TBC1D15: variants seen among roughly 807,000 people sequenced by gnomAD.
The protein encoded by TBC1D15 is TBC1 domain family member 15, also known as GAP for RAB7.
Under a neutral mutation model 95.4 loss-of-function variants are expected in TBC1D15, and 39 were observed. That is an observed-to-expected ratio of 0.41 (90% confidence interval 0.32 to 0.53). The LOEUF (loss-of-function observed/expected upper bound fraction) is 0.53, where lower values mean the gene tolerates loss of function less well. Among genes scored for constraint, TBC1D15 ranks in the 20% least tolerant of loss-of-function variants. The probability of loss-of-function intolerance (pLI) is 0.29; values close to 1 mark genes in which losing one functional copy is unlikely to be tolerated. For missense variants in TBC1D15, 733 were observed against 794.3 expected (o/e 0.92, Z 0.93); for synonymous variants, 258 against 261.3 (o/e 0.99, Z 0.12).
chr12:71,912,370 A>G (rs972712494), intron 11 of TBC1D15, among the ~76,000 whole-genome samples: 1 of 152,116 alleles, frequency 6.6e-6, no homozygotes, highest in Non-Finnish European at 1.5e-5. Context: ...TTTATGCTAA[A>G]TTGAGTAGAG....
chr12:71,912,237 T>A (rs1902550212), intron 11 of TBC1D15, among the ~76,000 whole-genome samples: 1 of 152,202 alleles, frequency 6.6e-6, no homozygotes, highest in African/African-American at 2.4e-5. Flanking sequence ...AGAAACCATC[T>A]GTGTAAATTT....
intron 4 of TBC1D15, among the ~76,000 whole-genome samples, chr12:71,881,036 T>C (rs1895027247): frequency 6.6e-6 from 1 of 152,190 alleles, no homozygotes; most frequent in African/African-American, 2.4e-5. Flanking sequence ...TTAATATGTG[T>C]TGAGTGACTA....
intron 10 of TBC1D15, among the ~76,000 whole-genome samples, chr12:71,904,351 A>G (rs1041349776): frequency 1.3e-4 from 20 of 152,214 alleles, no homozygotes; most frequent in Admixed American, 1.3e-4. Flanking sequence ...TGAAGAGAAA[A>G]TAGAAGAAGA....
chr12:71,905,517 G>A (rs1021020471), intron 10 of TBC1D15, among the ~76,000 whole-genome samples: 9 of 151,972 alleles, frequency 5.9e-5, no homozygotes, highest in African/African-American at 2.2e-4. Context: ...GTAGAGACAG[G>A]GTTTTGCCAT....
At chr12:71,890,084 A>ACCGCGCCCGG (rs1280376017) in intron 5 of TBC1D15, among the ~76,000 whole-genome samples, 86 of 152,320 alleles carry the variant, frequency 5.6e-4, no homozygotes, top group African/African-American at 1.9e-3. Context: ...GCTATTGTGA[A>ACCGCGCCCGG]TTACAGAATT....
chr12:71,839,890 A>G, intron 1 of TBC1D15, 79 bp downstream of exon 1: 2 of 1,532,234 alleles, frequency 1.3e-6, no homozygotes, highest in South Asian at 1.1e-5. Flanking sequence ...TGGTTGGGGG[A>G]GGGACACGAG....
At chr12:71,877,577 C>T (rs1441337549) in intron 3 of TBC1D15, among the ~76,000 whole-genome samples, 3 of 125,700 alleles carry the variant, frequency 2.4e-5, no homozygotes, top group African/African-American at 9.1e-5. Context: ...CTTTTTCTTT[C>T]TTTCGTATTT....
At chr12:71,886,580 C>G (rs1436105454) in intron 5 of TBC1D15, among the ~76,000 whole-genome samples, 1 of 152,192 alleles carries the variant, frequency 6.6e-6, no homozygotes, top group African/African-American at 2.4e-5. Context: ...AGAAGTGATA[C>G]AAAAACTGGA....
chr12:71,894,586 TTCTTTTCTTTTAAAAA>T, intron 6 of TBC1D15, 84 bp from the exon 7 acceptor site: 2 of 1,186,224 alleles, frequency 1.7e-6, no homozygotes. Context: ...TAGTCCTGAT[TTCTTTTCTTTTAAAAA>T]GCTTTGCTTT....
At chr12:71,906,081 C>T (rs1264463057) in intron 10 of TBC1D15, among the ~76,000 whole-genome samples, 1 of 152,080 alleles carries the variant, frequency 6.6e-6, no homozygotes, top group Non-Finnish European at 1.5e-5. Flanking sequence ...CCATGTTGGC[C>T]AAGCTGATCT....
intron 1 of TBC1D15, among the ~76,000 whole-genome samples, chr12:71,863,900 A>C (rs369111640): frequency 2.1e-4 from 32 of 152,164 alleles, no homozygotes; most frequent in East Asian, 1.4e-3. Context: ...TTTATGGAAT[A>C]TCTCATTCAT....
chr12:71,915,968 A>G (rs1324559448), intron 12 of TBC1D15, among the ~76,000 whole-genome samples: 2 of 152,034 alleles, frequency 1.3e-5, no homozygotes, highest in Non-Finnish European at 2.9e-5. Context: ...GTAAGTTTGT[A>G]CTACCTTTGT....
intron 10 of TBC1D15, among the ~76,000 whole-genome samples, chr12:71,900,932 C>T (rs779108516): frequency 5.3e-5 from 8 of 152,030 alleles, no homozygotes; most frequent in Non-Finnish European, 1.2e-4. Context: ...CTAGCCAGAG[C>T]AATCAGGCAA....
At chr12:71,890,264 G>C (rs898376170) in intron 5 of TBC1D15, among the ~76,000 whole-genome samples, 7 of 152,112 alleles carry the variant, frequency 4.6e-5, no homozygotes, top group African/African-American at 1.4e-4. Context: ...CCCTGGAGCA[G>C]TTATCCTAAG....
chr12:71,841,254 T>A (rs1300203666), intron 1 of TBC1D15: 7 of 152,216 alleles, frequency 4.6e-5, no homozygotes, highest in Non-Finnish European at 1.0e-4. Context: ...TTTGAAAGAA[T>A]CCTTGAGGCA....
chr12:71,883,178 G>T, intron 4 of TBC1D15, among the ~76,000 whole-genome samples: 2 of 146,136 alleles, frequency 1.4e-5, no homozygotes, highest in Admixed American at 6.9e-5. Context: ...TTTGGTCTTT[G>T]CAGATAAGCC....
intron 3 of TBC1D15, 130 bp downstream of exon 3, chr12:71,873,133 C>CAG (rs1202813670): frequency 1.7e-6 from 1 of 581,796 alleles, no homozygotes; most frequent in East Asian, 2.9e-5. Context: ...AGCATATTTA[C>CAG]AGAGTTGTGC....
At chr12:71,860,679 G>T (rs1460735922) in intron 1 of TBC1D15, among the ~76,000 whole-genome samples, 6 of 152,074 alleles carry the variant, frequency 3.9e-5, no homozygotes, top group Non-Finnish European at 1.5e-5. Flanking sequence ...GATTATATCT[G>T]CAAACAAGGA....
chr12:71,896,556 A>T, intron 8 of TBC1D15, 121 bp from the exon 9 acceptor site: 1 of 760,752 alleles, frequency 1.3e-6, no homozygotes, highest in Admixed American at 2.9e-5. Flanking sequence ...ACTGAATTGA[A>T]CTATTTACAT....
Sources: allele counts gnomAD v4.1 joint callset (sites outside exome capture counted in the v4.1 genomes callset), GRCh38; gene constraint gnomAD v4.1.1; transcripts MANE v1.5; gene names NCBI Gene and HGNC (gene_info 2026-07-23, HGNC 2026-07-21).